TMEM132D: variants seen among roughly 807,000 people sequenced by gnomAD.
TMEM132D encodes mature OL transmembrane protein.
A neutral mutation model predicts 62.3 loss-of-function variants in TMEM132D; 21 were observed. That is an observed-to-expected ratio of 0.34 (90% CI 0.24 to 0.49). TMEM132D has a LOEUF of 0.49. TMEM132D is among the 20% of genes least tolerant of loss of function. TMEM132D has a pLI of 0.99. For missense variants in TMEM132D, 1,346 were observed against 1,402.8 expected (o/e 0.96, Z 0.65); for synonymous variants, 621 against 575.6 (o/e 1.08, Z -1.13).
At chr12:129,541,283 C>T (rs1438566462) in intron 2 of TMEM132D, among the ~76,000 whole-genome samples, 1 of 152,154 alleles carries the variant, frequency 6.6e-6, no homozygotes, top group African/African-American at 2.4e-5. Flanking sequence ...TGCCCTCTGC[C>T]TAATATGAGA....
chr12:129,497,883 A>T (rs1438642728), intron 3 of TMEM132D, among the ~76,000 whole-genome samples: 1 of 150,990 alleles, frequency 6.6e-6, no homozygotes, highest in African/African-American at 2.4e-5. Context: ...CTGGTCTTGG[A>T]CTCTTGGGCT....
At chr12:129,512,774 C>T (rs1467660702) in intron 3 of TMEM132D, among the ~76,000 whole-genome samples, 1 of 152,192 alleles carries the variant, frequency 6.6e-6, no homozygotes, top group Non-Finnish European at 1.5e-5. Context: ...CACGCATGTC[C>T]ACATGTCATG....
At chr12:129,811,307 C>A (rs1191538142) in intron 1 of TMEM132D, among the ~76,000 whole-genome samples, 2 of 151,610 alleles carry the variant, frequency 1.3e-5, no homozygotes, top group South Asian at 4.2e-4. Flanking sequence ...TCCTGCCTCC[C>A]TCCTTGTTCT....
At chr12:129,160,998 C>G (rs189729174) in intron 5 of TMEM132D, among the ~76,000 whole-genome samples, 137 of 152,324 alleles carry the variant, frequency 9.0e-4, no homozygotes, top group Non-Finnish European at 1.5e-3. Flanking sequence ...TTTGCAAATA[C>G]TATTTCGATG....
intron 1 of TMEM132D, among the ~76,000 whole-genome samples, chr12:129,783,036 C>A (rs776316430): frequency 1.1e-4 from 17 of 152,210 alleles, no homozygotes; most frequent in Non-Finnish European, 2.5e-4. Flanking sequence ...TTGGTGAAGT[C>A]TTTGCTAGTA....
At chr12:129,245,438 C>T (rs1278675254) in intron 4 of TMEM132D, among the ~76,000 whole-genome samples, 3 of 149,110 alleles carry the variant, frequency 2.0e-5, no homozygotes, top group African/African-American at 7.8e-5. Flanking sequence ...GTATGTACCA[C>T]AGTTTATTTC....
chr12:129,823,908 T>C (rs887359855), intron 1 of TMEM132D, among the ~76,000 whole-genome samples: 1 of 152,214 alleles, frequency 6.6e-6, no homozygotes, highest in Admixed American at 6.6e-5. Flanking sequence ...GGGGGCCTGA[T>C]TTAATCTCAT....
rs1217883323 is a variant in TMEM132D at position 129,089,572 on chromosome 12, TTCCCTGACCGGGGTGTCC to T, written c.1444-4888_1444-4871del. Among the ~76,000 whole-genome samples, 21 of 117,392 alleles carry T rather than the reference TTCCCTGACCGGGGTGTCC, an allele frequency of 1.8e-4. 1 individual carries two copies. The South Asian group carries it at 2.1e-3, about 12-fold the overall frequency. The allele number at this position is 117,392 out of a possible 152,430, so 77.0% of individuals were successfully genotyped here. Reference sequence around the variant, plus strand: ...GGGTGTCCTCCCTGACTGAGGTGTCTTCCCTGACCGGGGTGTCCTCCCTGACCGGGGTGTCCTCCCTGA... The same window carrying T: ...GGGTGTCCTCCCTGACTGAGGTGTCTTCCCTGACCGGGGTGTCCTCCCTGA... On this transcript the variant is annotated intron_variant, in intron 5 of 8. Coordinates refer to ENST00000422113, the MANE Select transcript of TMEM132D (RefSeq NM_133448.3).
At chr12:129,107,458 A>C (rs1022158123) in intron 5 of TMEM132D, among the ~76,000 whole-genome samples, 3 of 152,354 alleles carry the variant, frequency 2.0e-5, no homozygotes, top group Non-Finnish European at 2.9e-5. Flanking sequence ...ACATCTCTTC[A>C]CAGTCATTGT....
intron 2 of TMEM132D, among the ~76,000 whole-genome samples, chr12:129,621,802 G>A (rs1385560934): frequency 1.3e-5 from 2 of 152,166 alleles, no homozygotes; most frequent in Non-Finnish European, 2.9e-5. Flanking sequence ...ACACACAGCT[G>A]TTTACCTGAG....
intron 1 of TMEM132D, among the ~76,000 whole-genome samples, chr12:129,862,388 G>C (rs758976619): frequency 6.6e-6 from 1 of 152,228 alleles, no homozygotes; most frequent in Non-Finnish European, 1.5e-5. Flanking sequence ...CAGGAGCCAA[G>C]AGCGAAGGCG....
chr12:129,588,074 TG>T (rs1220188150), intron 2 of TMEM132D, among the ~76,000 whole-genome samples: 3 of 152,216 alleles, frequency 2.0e-5, no homozygotes, highest in Admixed American at 2.0e-4. Context: ...TCAGACAACT[TG>T]CCTTATTAGT....
intron 1 of TMEM132D, among the ~76,000 whole-genome samples, chr12:129,835,566 C>T (rs1872979681): frequency 6.6e-6 from 1 of 152,136 alleles, no homozygotes; most frequent in South Asian, 2.1e-4. Flanking sequence ...GCTGGGATTA[C>T]AGGCGTGAGC....
chr12:129,361,281 T>A (rs1292294289), intron 3 of TMEM132D, among the ~76,000 whole-genome samples: 2 of 152,136 alleles, frequency 1.3e-5, no homozygotes, highest in African/African-American at 2.4e-5. Flanking sequence ...GATATGAGAT[T>A]CTGTTTAGAT....
At chr12:129,650,476 A>G (rs1879898646) in intron 2 of TMEM132D, among the ~76,000 whole-genome samples, 2 of 152,228 alleles carry the variant, frequency 1.3e-5, no homozygotes, top group South Asian at 4.1e-4. Context: ...AATGACTAGA[A>G]GAAACATCAC....
intron 3 of TMEM132D, among the ~76,000 whole-genome samples, chr12:129,523,906 A>G (rs1298842399): frequency 6.6e-6 from 1 of 152,148 alleles, no homozygotes; most frequent in Non-Finnish European, 1.5e-5. Flanking sequence ...ATAAGCTTAC[A>G]TTTACTGGGG....
chr12:129,747,388 C>CCA (rs201324271), intron 1 of TMEM132D, among the ~76,000 whole-genome samples: 1 of 151,746 alleles, frequency 6.6e-6, no homozygotes, highest in Admixed American at 6.6e-5. Context: ...TTTGAAAGCT[C>CCA]CACACACACA....
chr12:129,391,206 A>G (rs1871281156), intron 3 of TMEM132D, among the ~76,000 whole-genome samples: 1 of 152,176 alleles, frequency 6.6e-6, no homozygotes, highest in Non-Finnish European at 1.5e-5. Context: ...TCACACGATG[A>G]TAACAATAAG....
rs558300241 is a variant in TMEM132D, at chr12:129,558,011, T to C, written c.969-26806A>G. ...TTACTCAACATAATACAGTGAACCA[T>C]TTATCAGAAATGAGTGCTATCAGGA... On this transcript the variant is annotated intron_variant, in intron 2 of 8. Coordinates refer to ENST00000422113, the MANE Select transcript of TMEM132D (RefSeq NM_133448.3). Among the ~76,000 whole-genome samples the C allele has an allele frequency of 2.0e-5, 3 of 152,288 alleles. No homozygotes were observed. In the South Asian group the frequency reaches 6.2e-4, roughly 32 times the overall value.
Sources: allele counts gnomAD v4.1 joint callset (sites outside exome capture counted in the v4.1 genomes callset), GRCh38; gene constraint gnomAD v4.1.1; transcripts MANE v1.5; gene names NCBI Gene and HGNC (gene_info 2026-07-23, HGNC 2026-07-21).